Variants in TBKBP1 observed in about 807,000 individuals in gnomAD.
TBKBP1 encodes the protein TANK-binding kinase 1-binding protein 1.
TBKBP1 carries 47 observed loss-of-function variants against 69.9 expected under a neutral mutation model. That is an observed-to-expected ratio of 0.67 (90% confidence interval 0.53 to 0.86). The LOEUF is 0.86. Among genes scored for constraint, TBKBP1 ranks in the 40% least tolerant of loss-of-function variants. TBKBP1 has a pLI of 0.00. For missense variants in TBKBP1, 831 were observed against 858.6 expected (o/e 0.97, Z 0.40); for synonymous variants, 418 against 390.3 (o/e 1.07, Z -0.84).
In TBKBP1 at chr17:47,699,764, G is replaced by T; in HGVS notation, c.872+67G>T. On this transcript the variant is annotated intron_variant, in intron 7 of 9. Coordinates refer to ENST00000578982, the MANE Select transcript of TBKBP1 (RefSeq NM_001394755.1). ...GAGACCTCCCCTCCCAGCCCTCAGGGGTGTGGTGTCTGGGCTGCTGTTGCT... is the reference window on the plus strand; with the variant it reads ...GAGACCTCCCCTCCCAGCCCTCAGGTGTGTGGTGTCTGGGCTGCTGTTGCT... 3 of 1,589,652 alleles carry T rather than the reference G, an allele frequency of 1.9e-6. No homozygotes were observed. In the South Asian group the frequency reaches 3.3e-5, roughly 18 times the overall value.
rs1242588612 is a variant in TBKBP1, at chr17:47,699,751, C to T, written c.872+54C>T. ...CCGTGATGTTTGGGAGACCTCCCCTCCCAGCCCTCAGGGGTGTGGTGTCTG... is the reference window on the plus strand; with the variant it reads ...CCGTGATGTTTGGGAGACCTCCCCTTCCAGCCCTCAGGGGTGTGGTGTCTG... On this transcript the variant is annotated intron_variant, in intron 7 of 9. Coordinates refer to ENST00000578982, the MANE Select transcript of TBKBP1 (RefSeq NM_001394755.1). 3 of 1,602,188 alleles carry T rather than the reference C, an allele frequency of 1.9e-6. No individual in the cohort carries two copies. The African/African-American group carries it at 4.0e-5, about 21-fold the overall frequency.
chr17:47,708,485 C>G lies in TBKBP1; in HGVS notation c.964C>G (p.Leu322Val). The G allele has an allele frequency of 6.2e-7, 1 of 1,613,898 alleles. No individual in the cohort carries two copies. Among genetic ancestry groups the G allele is most frequent in the South Asian group, 1.1e-5 (1 of 91,090 alleles). ...SSLQGRILRTLLQEQARSGGQ... is the reference protein window; with the variant it reads ...SSLQGRILRTVLQEQARSGGQ... The stretch of plus-strand genomic sequence containing the variant: ...CCTACAGGGGAGAATCTTGAGGACT[C>G]TGTTGCAGGAACAGGCCCGGAGTGG... Residue 322 changes from leucine (L) to valine (V), a missense_variant, in exon 8 of 10, where the codon CTG becomes GTG. Leu to Val is a conservative substitution (Grantham distance 32, BLOSUM62 1). Coordinates refer to ENST00000578982, the MANE Select transcript of TBKBP1 (RefSeq NM_001394755.1). The surrounding 1 kb of genome is among the most constrained non-coding windows in gnomAD (Gnocchi z 4.4).
chr17:47,701,151 C>A (rs567198195), intron 7 of TBKBP1, among the ~76,000 whole-genome samples: 25 of 152,276 alleles, frequency 1.6e-4, no homozygotes, highest in African/African-American at 6.0e-4. Flanking sequence ...ACTGGGGATA[C>A]CCCTCGCCTA....
In TBKBP1 at chr17:47,705,013, G is replaced by A. The variant is rs572109993; in HGVS notation, c.873-3381G>A. On this transcript the variant is annotated intron_variant, in intron 7 of 9. Coordinates refer to ENST00000578982, the MANE Select transcript of TBKBP1 (RefSeq NM_001394755.1). ...ACTGCCACTCTGTGACCTTGAGCCAGCCTCTTAATCGCCCTGATTTTCTAC... is the reference window on the plus strand; with the variant it reads ...ACTGCCACTCTGTGACCTTGAGCCAACCTCTTAATCGCCCTGATTTTCTAC... 3.3e-5 allele frequency among the ~76,000 whole-genome samples: 5 copies of A among 152,298 alleles called. No individual in the cohort carries two copies. The East Asian group carries it at 9.6e-4, about 29-fold the overall frequency.
chr17:47,707,175 C>T (rs2031730118), intron 7 of TBKBP1, among the ~76,000 whole-genome samples: 1 of 152,246 alleles, frequency 6.6e-6, no homozygotes, highest in Non-Finnish European at 1.5e-5. Context: ...AAGGCTCTGT[C>T]CACACTCAGA....
At chr17:47,695,061 C>T (rs1476360028) in intron 1 of TBKBP1, among the ~76,000 whole-genome samples, 4 of 152,182 alleles carry the variant, frequency 2.6e-5, no homozygotes. Context: ...CCCCTCGCGT[C>T]TCACGTGACA....
At chr17:47,698,908 C>A in intron 5 of TBKBP1, 133 bp downstream of exon 5, 2 of 889,982 alleles carry the variant, frequency 2.2e-6, no homozygotes, top group Non-Finnish European at 3.3e-6. Flanking sequence ...TCCTCCCTTA[C>A]CTGCTGTCCC....
chr17:47,698,876 C>G, intron 5 of TBKBP1, 101 bp downstream of exon 5: 1 of 1,159,214 alleles, frequency 8.6e-7, no homozygotes, highest in African/African-American at 1.6e-5. Flanking sequence ...GTAATATAAT[C>G]TATTTCTCCA....
Position 47,708,557 on chromosome 17 carries a change from A to T in TBKBP1, c.991+45A>T. On this transcript the variant is annotated intron_variant, in intron 8 of 9. Transcript: ENST00000578982. The surrounding 1 kb of genome is among the most constrained non-coding windows in gnomAD (Gnocchi z 4.4). ...GGGGAGGCAGCCGCGGGACCCGGGA[A>T]GGAGCGGGTAGCCATGGCAACCATC... is the stretch of plus-strand genomic sequence containing the variant. 5 of 1,595,444 alleles carry T rather than the reference A, an allele frequency of 3.1e-6. No individual in the cohort carries two copies. Among genetic ancestry groups the T allele is most frequent in the Non-Finnish European group, 4.3e-6 (5 of 1,165,496 alleles).
At chr17:47,695,017 T>C (rs993199130) in intron 1 of TBKBP1, among the ~76,000 whole-genome samples, 3 of 151,202 alleles carry the variant, frequency 2.0e-5, no homozygotes, top group African/African-American at 7.3e-5. Context: ...GGGGTGCACA[T>C]AACGCTCCAG....
At chr17:47,703,414 C>G (rs1285964837) in intron 7 of TBKBP1, among the ~76,000 whole-genome samples, 1 of 152,210 alleles carries the variant, frequency 6.6e-6, no homozygotes, top group Admixed American at 6.5e-5. Context: ...CCCCTTCACG[C>G]TTCTCACCCT....
intron 4 of TBKBP1, 45 bp downstream of exon 4, chr17:47,697,238 TG>T: frequency 6.5e-7 from 1 of 1,534,340 alleles, no homozygotes; most frequent in Non-Finnish European, 8.9e-7. Flanking sequence ...TGTAGCTGGT[TG>T]TGTGTGTGCA....
At chr17:47,700,903 G>A (rs1485582995) in intron 7 of TBKBP1, among the ~76,000 whole-genome samples, 1 of 152,080 alleles carries the variant, frequency 6.6e-6, no homozygotes, top group Non-Finnish European at 1.5e-5. Flanking sequence ...TTTCACATCC[G>A]CACTGAACTC....
intron 7 of TBKBP1, among the ~76,000 whole-genome samples, chr17:47,704,565 G>A (rs1190186676): frequency 6.6e-6 from 1 of 152,204 alleles, no homozygotes; most frequent in Non-Finnish European, 1.5e-5. Flanking sequence ...TGGAAGGTTG[G>A]ATTTCTGTTT....
At chr17:47,697,274 A>T in intron 4 of TBKBP1, 81 bp downstream of exon 4, 1 of 1,259,222 alleles carries the variant, frequency 7.9e-7, no homozygotes, top group South Asian at 1.3e-5. Flanking sequence ...TCTGTGTGTG[A>T]GGATTCCAGC....
intron 9 of TBKBP1, among the ~76,000 whole-genome samples, chr17:47,709,947 G>A (rs1274362428): frequency 1.3e-5 from 2 of 152,180 alleles, no homozygotes; most frequent in Non-Finnish European, 2.9e-5. Context: ...ACCATAGCAG[G>A]CCACCAGCCA....
rs903105771 is a variant in TBKBP1, at chr17:47,708,002, G to A, written c.873-392G>A. Among the ~76,000 whole-genome samples the A allele has an allele frequency of 2.0e-5, 3 of 152,252 alleles. No homozygotes were observed. The highest frequency in any genetic ancestry group is 3.4e-3 in the Middle Eastern group (1 of 294). On this transcript the variant is annotated intron_variant, in intron 7 of 9. Coordinates refer to ENST00000578982, the MANE Select transcript of TBKBP1 (RefSeq NM_001394755.1). This position sits in a 1 kb window ranked among gnomAD's most constrained non-coding sequence, Gnocchi z 4.4. The stretch of plus-strand genomic sequence containing the variant: ...ATTCAGTACAGCTTTTTGATGAATC[G>A]GTGCTTTAATTCATCATCACAGCTT...
chr17:47,708,367 G>A lies in TBKBP1; in HGVS notation c.873-27G>A. 2 of 1,612,640 alleles carry A rather than the reference G, an allele frequency of 1.2e-6. No individual in the cohort carries two copies. Among genetic ancestry groups the A allele is most frequent in the East Asian group, 2.2e-5 (1 of 44,880 alleles). On this transcript the variant is annotated intron_variant, in intron 7 of 9. Transcript: ENST00000578982. This position sits in a 1 kb window ranked among gnomAD's most constrained non-coding sequence, Gnocchi z 4.4. ...GGACGGTAGACCCACTGCCCTTCTC[G>A]TCTTTCCCACTGCCCTCTGACTTCA...
Position 47,711,499 on chromosome 17 carries a change from CCT to C in TBKBP1, c.*876_*877del, listed in dbSNP as rs1017502514. On this transcript the variant is annotated 3_prime_UTR_variant, in exon 10 of 10. Transcript: ENST00000578982. ...GCCCTGGAGCCCTTGTGTGACTCAG[CCT>C]CTGTTAGCTGGGTGGGTGTCATCAG... 3 of 152,654 alleles carry C rather than the reference CCT, an allele frequency of 2.0e-5. No individual in the cohort carries two copies. The highest frequency in any genetic ancestry group is 2.9e-5 in the Non-Finnish European group (2 of 68,110). The allele number at this position is 152,654 out of a possible 1,614,324, so 9.5% of individuals were successfully genotyped here.
Sources: allele counts gnomAD v4.1 joint callset (sites outside exome capture counted in the v4.1 genomes callset), GRCh38; gene constraint gnomAD v4.1.1; non-coding constraint Gnocchi (gnomAD v3.1); transcripts MANE v1.5; gene names NCBI Gene and HGNC (gene_info 2026-07-23, HGNC 2026-07-21).